The following SH3PXD2A variants were observed in gnomAD, a reference collection of about 807,000 sequenced individuals.
SH3PXD2A encodes the protein SH3 and PX domain-containing protein 2A.
In SH3PXD2A, 32 loss-of-function variants were observed where a neutral mutation model predicts 115.2. The observed-to-expected ratio is 0.28, with a 90% CI of 0.21 to 0.37. The LOEUF (loss-of-function observed/expected upper bound fraction) is 0.37, where lower values mean the gene tolerates loss of function less well. Ranked by LOEUF, SH3PXD2A falls within the 10% of genes least tolerant of loss-of-function variation. The pLI, the probability that SH3PXD2A is intolerant of heterozygous loss-of-function variation, is 1.00. For missense variants in SH3PXD2A, 1,328 were observed against 1,498.7 expected (o/e 0.89, Z 1.88); for synonymous variants, 610 against 629.1 (o/e 0.97, Z 0.45).
At chr10:103,669,579 G>C (rs2037430849) in intron 6 of SH3PXD2A, among the ~76,000 whole-genome samples, 1 of 152,196 alleles carries the variant, frequency 6.6e-6, no homozygotes, top group African/African-American at 2.4e-5. Context: ...AGTCCCCATG[G>C]CAACCCCATC....
chr10:103,703,031 C>A (rs1039015394), intron 5 of SH3PXD2A, among the ~76,000 whole-genome samples: 2 of 152,222 alleles, frequency 1.3e-5, no homozygotes, highest in Non-Finnish European at 2.9e-5. Context: ...TGGCCCCTAA[C>A]TCCCCAGCCC....
intron 2 of SH3PXD2A, among the ~76,000 whole-genome samples, chr10:103,782,733 C>T (rs1046330912): frequency 2.0e-5 from 3 of 147,146 alleles, no homozygotes; most frequent in Non-Finnish European, 3.0e-5. Flanking sequence ...CATGGTGGCT[C>T]ATCCCTGTAA....
At chr10:103,692,067 G>C (rs983030287) in intron 6 of SH3PXD2A, among the ~76,000 whole-genome samples, 1 of 152,142 alleles carries the variant, frequency 6.6e-6, no homozygotes, top group East Asian at 1.9e-4. Flanking sequence ...ACATCCCCAA[G>C]GGCCAGATGT....
At chr10:103,661,626 C>G in intron 7 of SH3PXD2A, 22 of 982,284 alleles carry the variant, frequency 2.2e-5, no homozygotes, top group Non-Finnish European at 2.5e-5. Flanking sequence ...CTGCCCCCAA[C>G]CCCTGCAAAC....
At chr10:103,688,011 G>A (rs997610865) in intron 6 of SH3PXD2A, among the ~76,000 whole-genome samples, 1 of 152,100 alleles carries the variant, frequency 6.6e-6, no homozygotes, top group Non-Finnish European at 1.5e-5. Flanking sequence ...CTTCTATATA[G>A]CTCATCACCC....
chr10:103,811,179 T>A (rs2039267317), intron 1 of SH3PXD2A, among the ~76,000 whole-genome samples: 1 of 152,008 alleles, frequency 6.6e-6, no homozygotes, highest in Admixed American at 6.6e-5. Flanking sequence ...GGGAAATGAG[T>A]GTATAAACTA....
chr10:103,771,738 A>AACACAC (rs3068820), intron 2 of SH3PXD2A, among the ~76,000 whole-genome samples: 7,255 of 142,872 alleles, frequency 0.051, 238 homozygotes, highest in Middle Eastern at 0.076. Flanking sequence ...CCGTCAAAAC[A>AACACAC]ACACACACAC....
At chr10:103,704,237 G>A (rs1452509781) in intron 5 of SH3PXD2A, among the ~76,000 whole-genome samples, 2 of 152,206 alleles carry the variant, frequency 1.3e-5, no homozygotes, top group Non-Finnish European at 2.9e-5. Context: ...AGGGCACTGA[G>A]AGAAGGAGCC....
chr10:103,810,952 G>GCGCACA (rs549107444), intron 1 of SH3PXD2A, among the ~76,000 whole-genome samples: 9 of 19,872 alleles, frequency 4.5e-4, no homozygotes, highest in East Asian at 1.2e-3. Context: ...GCGCGCGCGC[G>GCGCACA]CACACACACA....
chr10:103,645,141 C>T (rs1235437589), intron 8 of SH3PXD2A, among the ~76,000 whole-genome samples: 3 of 152,196 alleles, frequency 2.0e-5, no homozygotes, highest in Non-Finnish European at 4.4e-5. Context: ...TTTGGGTTGG[C>T]CAGTCCCCCA....
intron 5 of SH3PXD2A, among the ~76,000 whole-genome samples, chr10:103,698,702 G>A (rs1186282660): frequency 6.6e-6 from 1 of 152,170 alleles, no homozygotes; most frequent in South Asian, 2.1e-4. Flanking sequence ...ATTAAGGCCT[G>A]TGCAGGCAGG....
At chr10:103,668,527 C>A in intron 7 of SH3PXD2A, 81 bp downstream of exon 7, 1 of 1,225,888 alleles carries the variant, frequency 8.2e-7, no homozygotes, top group South Asian at 1.3e-5. Flanking sequence ...GAAGCATGCG[C>A]AGGGCCTGCA....
At chr10:103,782,294 T>C (rs542437215) in intron 2 of SH3PXD2A, among the ~76,000 whole-genome samples, 1 of 152,334 alleles carries the variant, frequency 6.6e-6, no homozygotes, top group South Asian at 2.1e-4. Context: ...CAGAATCTTT[T>C]AGCAAGATTG....
intron 1 of SH3PXD2A, among the ~76,000 whole-genome samples, chr10:103,819,792 TGA>T (rs954281475): frequency 2.1e-4 from 32 of 150,920 alleles, no homozygotes; most frequent in Admixed American, 2.0e-3. Context: ...GGCTTGGCAA[TGA>T]GAGAGAGTGT....
At chr10:103,816,216 G>C (rs989028492) in intron 1 of SH3PXD2A, among the ~76,000 whole-genome samples, 6 of 152,136 alleles carry the variant, frequency 3.9e-5, no homozygotes, top group Non-Finnish European at 7.3e-5. Flanking sequence ...CTTGACTGTA[G>C]TCATCATTTC....
chr10:103,739,449 G>C (rs539916432), intron 3 of SH3PXD2A, among the ~76,000 whole-genome samples: 2 of 152,080 alleles, frequency 1.3e-5, no homozygotes, highest in African/African-American at 4.8e-5. Flanking sequence ...ATTGGCCAGT[G>C]GGGGAGAGAG....
intron 6 of SH3PXD2A, among the ~76,000 whole-genome samples, chr10:103,682,771 C>T (rs1473806767): frequency 7.2e-6 from 1 of 139,122 alleles, no homozygotes; most frequent in Admixed American, 7.2e-5. Flanking sequence ...AAAAAAAAAA[C>T]AAAACAAACC....
At chr10:103,702,553 G>T (rs962150545) in intron 5 of SH3PXD2A, among the ~76,000 whole-genome samples, 11 of 148,792 alleles carry the variant, frequency 7.4e-5, no homozygotes, top group Non-Finnish European at 1.3e-4. Flanking sequence ...GATGGTGTGA[G>T]CAACGGTGCA....
chr10:103,655,634 ATGG>A (rs1193772009), intron 8 of SH3PXD2A, among the ~76,000 whole-genome samples: 5 of 152,014 alleles, frequency 3.3e-5, no homozygotes, highest in Non-Finnish European at 1.5e-5. Flanking sequence ...TCAGGCAGGC[ATGG>A]TGGTGCACGC....
Sources: allele counts gnomAD v4.1 joint callset (sites outside exome capture counted in the v4.1 genomes callset), GRCh38; gene constraint gnomAD v4.1.1; transcripts MANE v1.5; gene names NCBI Gene and HGNC (gene_info 2026-07-23, HGNC 2026-07-21).